The following SH3GL1 variants were observed in gnomAD, a reference collection of about 807,000 sequenced individuals.
The protein encoded by SH3GL1 is endophilin-A2.
A neutral mutation model predicts 48.8 loss-of-function variants in SH3GL1; 21 were observed. The observed-to-expected ratio is 0.43, with a 90% CI of 0.30 to 0.62. The LOEUF (loss-of-function observed/expected upper bound fraction) is 0.62. SH3GL1 is among the 20% of genes least tolerant of loss of function. The pLI is 0.11. For missense variants in SH3GL1, 454 were observed against 503.0 expected (o/e 0.90, Z 0.93); for synonymous variants, 282 against 217.5 (o/e 1.30, Z -2.61).
In SH3GL1 at chr19:4,363,373, C is replaced by A; in HGVS notation, c.725G>T (p.Arg242Leu). 6.3e-7 allele frequency: 1 copy of A among 1,599,928 alleles called. No individual in the cohort carries two copies. The highest frequency in any genetic ancestry group is 1.1e-5 in the South Asian group (1 of 88,786). ...GAGACCAAGGCCCTGGGCTCACCTG[C>A]GCTTGAGCTTCTCCGCCAGCTCGTC... The part of the protein sequence containing the change: ...ILDELAEKLK[R>L]RMREASSRPK... The change falls in exon 7 of 10, where the codon CGC becomes CTC. Residue 242 changes from arginine to leucine, a missense_variant. By Grantham distance (102) the Arg-to-Leu change is moderately radical. This residue lies in a region of SH3GL1 where 278 missense variants were observed against 246.8 expected (regional missense o/e 1.13). Coordinates refer to ENST00000269886, the MANE Select transcript of SH3GL1 (RefSeq NM_003025.4).
At position 4,364,106 on chromosome 19, in the gene SH3GL1, T is replaced by C. The variant is rs1599590981; in HGVS notation, c.447A>G (p.Lys149=). 1 of 1,613,018 alleles carries C rather than the reference T, an allele frequency of 6.2e-7. No individual in the cohort carries two copies. The highest frequency in any genetic ancestry group is 8.5e-7 in the Non-Finnish European group (1 of 1,180,034). Residue 149 remains lysine (K), a synonymous_variant, in exon 5 of 10, where the codon AAA becomes AAG. Transcript: ENST00000269886. The part of the protein sequence containing the change: ...FIDPLQNLCE[K]DLKEIQHHLK... ...GCAGCACCTGGATCTCCTTCAGGTC[T>C]TTCTCGCACAGGTTCTGGAGGGGGT...
intron 4 of SH3GL1, among the ~76,000 whole-genome samples, chr19:4,364,905 TATATATATA>T (rs1972735577): frequency 2.8e-5 from 3 of 107,448 alleles, no homozygotes; most frequent in African/African-American, 1.2e-4. Flanking sequence ...TGTGTATATA[TATATATATA>T]TATTTTTTTT....
chr19:4,370,689 G>A (rs1972881487), intron 1 of SH3GL1, among the ~76,000 whole-genome samples: 1 of 152,246 alleles, frequency 6.6e-6, no homozygotes, highest in African/African-American at 2.4e-5. Flanking sequence ...CAGTCTCCAA[G>A]ACTCTGCCCC....
chr19:4,375,112 G>A (rs770605928), intron 1 of SH3GL1, among the ~76,000 whole-genome samples: 2 of 152,196 alleles, frequency 1.3e-5, no homozygotes, highest in Non-Finnish European at 2.9e-5. Context: ...CCATGCGTGG[G>A]GGAGAAGGGG....
rs1973504791 is a variant in SH3GL1, at chr19:4,400,481, G to C, written c.-113C>G. On this transcript the variant is annotated 5_prime_UTR_variant, in exon 1 of 10. Coordinates refer to ENST00000269886, the MANE Select transcript of SH3GL1 (RefSeq NM_003025.4). The surrounding 1 kb of genome is among the most constrained non-coding windows in gnomAD (Gnocchi z 4.1). ...CCCGTCGGCGCCGCCTCCGCCACCCGCTTGCCAGCTCCGCGCCCGCCCCGG... is the reference window on the plus strand; with the variant it reads ...CCCGTCGGCGCCGCCTCCGCCACCCCCTTGCCAGCTCCGCGCCCGCCCCGG... 5.2e-6 allele frequency: 5 copies of C among 958,722 alleles called. No homozygotes were observed. Among genetic ancestry groups the C allele is most frequent in the Non-Finnish European group, 3.9e-6 (3 of 767,902 alleles). The allele number at this position is 958,722 out of a possible 1,614,324, so 59.4% of individuals were successfully genotyped here.
At chr19:4,369,905 C>A (rs1444295391) in intron 1 of SH3GL1, among the ~76,000 whole-genome samples, 18 of 152,248 alleles carry the variant, frequency 1.2e-4, no homozygotes, top group Non-Finnish European at 1.5e-5. Flanking sequence ...CAGATGGACA[C>A]AGGGATGAGC....
chr19:4,375,048 G>A (rs1972980059), intron 1 of SH3GL1, among the ~76,000 whole-genome samples: 3 of 152,166 alleles, frequency 2.0e-5, no homozygotes, highest in Non-Finnish European at 1.5e-5. Context: ...GGAGGCAGCA[G>A]AGCACTGAGC....
At chr19:4,369,704 A>AC (rs1474321303) in intron 1 of SH3GL1, among the ~76,000 whole-genome samples, 1 of 151,796 alleles carries the variant, frequency 6.6e-6, no homozygotes, top group African/African-American at 2.4e-5. Context: ...GACTTCCTGA[A>AC]CCCCCACAAC....
Position 4,369,972 on chromosome 19 carries a change from G to C in SH3GL1, c.46-2978C>G, listed in dbSNP as rs147843971. ...AGCCGGGCCACGTGCAGCGCCGGCC[G>C]CAAGCGCGGAAACCAAGCGTGGGCT... On this transcript the variant is annotated intron_variant, in intron 1 of 9. Transcript: ENST00000269886. Among the ~76,000 whole-genome samples, 1,100 of 152,386 alleles carry C rather than the reference G, an allele frequency of 7.2e-3. 6 individuals are homozygous for C. Among genetic ancestry groups the C allele is most frequent in the Middle Eastern group, 0.02 (6 of 294 alleles).
intron 3 of SH3GL1, 22 bp downstream of exon 3, chr19:4,366,479 T>C: frequency 1.3e-6 from 2 of 1,593,882 alleles, no homozygotes; most frequent in Non-Finnish European, 1.7e-6. Flanking sequence ...GGGCAGGCCC[T>C]GGCAGTGGCT....
At chr19:4,364,914 ATATTT>A (rs1418066291) in intron 4 of SH3GL1, among the ~76,000 whole-genome samples, 12 of 116,670 alleles carry the variant, frequency 1.0e-4, no homozygotes, top group African/African-American at 3.9e-4. Context: ...ATATATATAT[ATATTT>A]TTTTTTTTTT....
intron 1 of SH3GL1, among the ~76,000 whole-genome samples, chr19:4,369,519 T>A (rs243256): frequency 0.63 from 96,019 of 152,006 alleles, 30,796 homozygotes; most frequent in Admixed American, 0.74. Context: ...CCCCTGCCTC[T>A]CACAGGGCAG....
At position 4,367,178 on chromosome 19, in the gene SH3GL1, G is replaced by C. The variant is rs1024348758; in HGVS notation, c.46-184C>G. Among the ~76,000 whole-genome samples the C allele has an allele frequency of 9.9e-5, 15 of 152,152 alleles. No individual in the cohort carries two copies. Among genetic ancestry groups the C allele is most frequent in the Non-Finnish European group, 1.8e-4 (12 of 68,018 alleles). On this transcript the variant is annotated intron_variant, in intron 1 of 9. Transcript: ENST00000269886. The surrounding 1 kb of genome is among the most constrained non-coding windows in gnomAD (Gnocchi z 4.2). The stretch of plus-strand genomic sequence containing the variant: ...GGGCCACACGCTGCCTGCAGAGCAG[G>C]GTGGGCCTGCAGGGGGAGGGGGAGG...
chr19:4,364,866 T>TTGTGGGTGTGTG (rs1972729784), intron 4 of SH3GL1, among the ~76,000 whole-genome samples: 1 of 97,168 alleles, frequency 1.0e-5, no homozygotes, highest in African/African-American at 5.3e-5. Context: ...ACCCGGCTAA[T>TTGTGGGTGTGTG]TGTGTGTGTG....
At chr19:4,388,338 CCTG>C (rs1263487069) in intron 1 of SH3GL1, among the ~76,000 whole-genome samples, 3 of 152,184 alleles carry the variant, frequency 2.0e-5, no homozygotes, top group Non-Finnish European at 4.4e-5. Context: ...TGGCCAGCTG[CCTG>C]CTGTGGTCTG....
intron 1 of SH3GL1, among the ~76,000 whole-genome samples, chr19:4,396,335 G>C (rs572823489): frequency 5.9e-5 from 9 of 152,128 alleles, no homozygotes; most frequent in Non-Finnish European, 1.0e-4. Flanking sequence ...GGAGGCGGAG[G>C]TTGCAGTGAG....
chr19:4,390,882 G>A (rs765640768), intron 1 of SH3GL1, among the ~76,000 whole-genome samples: 39 of 152,178 alleles, frequency 2.6e-4, no homozygotes, highest in Non-Finnish European at 4.6e-4. Flanking sequence ...GAAACCTGCG[G>A]CTGCCTCCGA....
At chr19:4,364,752 G>C (rs1011045712) in intron 4 of SH3GL1, 33 of 158,280 alleles carry the variant, frequency 2.1e-4, no homozygotes, top group South Asian at 1.8e-3. Flanking sequence ...GTTTTGTTTT[G>C]TTTTTTCATA....
chr19:4,383,896 G>C (rs1973185839), intron 1 of SH3GL1, among the ~76,000 whole-genome samples: 1 of 152,234 alleles, frequency 6.6e-6, no homozygotes, highest in East Asian at 1.9e-4. Context: ...TGAGAGCTAG[G>C]AGAAGGCAGT....
Sources: gnomAD v4.1 joint callset for allele counts (sites outside exome capture counted in the v4.1 genomes callset) on GRCh38, gnomAD v4.1.1 for gene constraint, gnomAD v4.1.1 regional missense constraint, Gnocchi (gnomAD v3.1) non-coding constraint, MANE v1.5 for transcripts, NCBI Gene and HGNC (gene_info 2026-07-23, HGNC 2026-07-21) for gene names.